MPND: variants seen among roughly 807,000 people sequenced by gnomAD.
MPND encodes the protein MPN domain containing.
A neutral mutation model predicts 59.2 loss-of-function variants in MPND; 56 were observed. The ratio of observed to expected loss-of-function variants is 0.95; its 90% CI spans 0.76 to 1.18. MPND has a LOEUF of 1.18. Ranked by LOEUF, MPND falls within the 50% of genes most tolerant of loss-of-function variation. MPND has a pLI of 0.00. For synonymous variants in MPND, 323 were observed against 291.9 expected, an observed-to-expected ratio of 1.11 and a Z score of -1.09; for missense variants, 671 against 676.0, an observed-to-expected ratio of 0.99 and a Z score of 0.08.
intron 3 of MPND, among the ~76,000 whole-genome samples, chr19:4,351,196 C>T (rs912947101): frequency 4.6e-5 from 7 of 152,134 alleles, no homozygotes; most frequent in African/African-American, 7.2e-5. Flanking sequence ...CTCCGCCTCC[C>T]GGGTTCAAGT....
At chr19:4,353,128 C>T in intron 4 of MPND, 99 bp downstream of exon 4, 1 of 998,478 alleles carries the variant, frequency 1.0e-6, no homozygotes, top group Non-Finnish European at 1.3e-6. Flanking sequence ...TCCTAGGGCC[C>T]CCAAGATGGA....
chr19:4,357,735 G>C, intron 10 of MPND, 150 bp downstream of exon 10: 1 of 773,064 alleles, frequency 1.3e-6, no homozygotes. Context: ...CTGCTGCCCT[G>C]CCCATATTTT....
chr19:4,346,201 A>G (rs1193027646), intron 3 of MPND, among the ~76,000 whole-genome samples: 1 of 152,132 alleles, frequency 6.6e-6, no homozygotes, highest in Admixed American at 6.6e-5. Context: ...TTGTCAGAGC[A>G]AGTTGAAGGG....
Position 4,354,467 on chromosome 19 carries a change from C to A in MPND, c.846+47C>A. The A allele has an allele frequency of 3.4e-6, 5 of 1,468,656 alleles. No homozygotes were observed. The South Asian group carries it at 4.9e-5, about 14-fold the overall frequency. 91.0% of individuals were successfully genotyped at this position (1,468,656 alleles called of 1,614,324 possible). On this transcript the variant is annotated intron_variant, in intron 6 of 12. Transcript: ENST00000599840. The stretch of plus-strand genomic sequence containing the variant: ...GGGGCAAGGGGCTCCGGAGCCCAGT[C>A]GGTGGGCAGCGGGCGGGGCTCCCCT...
In MPND at chr19:4,356,416, G is replaced by A. The variant is rs1264006101; in HGVS notation, c.997-837G>A. On this transcript the variant is annotated intron_variant, in intron 8 of 12. Transcript: ENST00000599840. ...AAAAATTAGCCAGACATGGTGGTAC[G>A]CACCTGTAGTCCCATCTATTTGAGA... 2.0e-5 allele frequency among the ~76,000 whole-genome samples: 3 copies of A among 152,198 alleles called. No homozygotes were observed. In the East Asian group the frequency reaches 5.8e-4, roughly 29 times the overall value.
intron 11 of MPND, 48 bp downstream of exon 11, chr19:4,358,220 G>A: frequency 6.7e-7 from 1 of 1,482,752 alleles, no homozygotes; most frequent in Non-Finnish European, 9.2e-7. Flanking sequence ...GTGCGCAGCT[G>A]GGCACACGAT....
intron 6 of MPND, 31 bp from the exon 7 acceptor site, chr19:4,354,918 G>C (rs1323382872): frequency 6.4e-7 from 1 of 1,561,664 alleles, no homozygotes; most frequent in Non-Finnish European, 8.7e-7. Flanking sequence ...CACAGCCTGA[G>C]CCAGTCTTTT....
chr19:4,354,071 G>A lies in MPND; in HGVS notation c.691G>A (p.Asp231Asn). 1.2e-6 allele frequency: 2 copies of A among 1,613,390 alleles called. No homozygotes were observed. Among genetic ancestry groups the A allele is most frequent in the Non-Finnish European group, 1.7e-6 (2 of 1,179,396 alleles). ...PEATTPGKRV[D>N]SKIRVPVRYC... is the part of the protein sequence containing the mutation. ...GGCCACAACCCCAGGGAAGCGGGTG[G>A]ACAGCAAGATCCGGGTTCCGGTCCG... The change falls in exon 5 of 13, where the codon GAC becomes AAC. Residue 231 changes from aspartate to asparagine, a missense_variant. Physicochemically the swap from Asp to Asn is conservative, Grantham distance 23 (BLOSUM62 1). Coordinates refer to ENST00000599840, the MANE Select transcript of MPND (RefSeq NM_001300862.2).
At chr19:4,353,972 C>T in intron 4 of MPND, 73 bp from the exon 5 acceptor site, 1 of 1,333,670 alleles carries the variant, frequency 7.5e-7, no homozygotes, top group Non-Finnish European at 1.1e-6. Context: ...GCATGCACCA[C>T]CACACCCAGT....
Position 4,353,307 on chromosome 19 carries a change from G to A in MPND, c.664+278G>A, listed in dbSNP as rs1054614930. On this transcript the variant is annotated intron_variant, in intron 4 of 12. Coordinates refer to ENST00000599840, the MANE Select transcript of MPND (RefSeq NM_001300862.2). ...TTTGGTGATGGAGTCTCCCTCTGTC[G>A]CCCAGGCTGGAATGCAGTGGCTCAA... Among the ~76,000 whole-genome samples the A allele has an allele frequency of 4.6e-5, 7 of 151,860 alleles. No individual in the cohort carries two copies. In the South Asian group the frequency reaches 8.3e-4, roughly 18 times the overall value.
intron 11 of MPND, among the ~76,000 whole-genome samples, chr19:4,358,697 C>T (rs879703601): frequency 6.6e-6 from 1 of 152,098 alleles, no homozygotes; most frequent in Admixed American, 6.5e-5. Context: ...TGAGGCAGGA[C>T]AAGCTCTTGA....
chr19:4,354,761 G>A (rs939558297), intron 6 of MPND, among the ~76,000 whole-genome samples, 188 bp from the exon 7 acceptor site: 3 of 152,208 alleles, frequency 2.0e-5, no homozygotes, highest in Non-Finnish European at 4.4e-5. Flanking sequence ...CTACCTGAGA[G>A]GCTGAGACAG....
intron 4 of MPND, among the ~76,000 whole-genome samples, chr19:4,353,250 GATTTT>G (rs1368880590): frequency 3.3e-5 from 5 of 151,978 alleles, no homozygotes; most frequent in Admixed American, 6.6e-5. Flanking sequence ...TCAAATGCTG[GATTTT>G]ATTTTATTTT....
At chr19:4,352,275 G>A (rs888415835) in intron 3 of MPND, among the ~76,000 whole-genome samples, 4 of 152,230 alleles carry the variant, frequency 2.6e-5, no homozygotes, top group Non-Finnish European at 5.9e-5. Context: ...AGACCTTGGC[G>A]ATGACTTTGA....
At chr19:4,357,657 G>A in intron 10 of MPND, 72 bp downstream of exon 10, 3 of 1,452,878 alleles carry the variant, frequency 2.1e-6, no homozygotes, top group Non-Finnish European at 2.8e-6. Flanking sequence ...CTAGGCAGGG[G>A]CCCCTGGTTC....
At chr19:4,358,863 C>T (rs182288804) in intron 11 of MPND, among the ~76,000 whole-genome samples, 2 of 152,244 alleles carry the variant, frequency 1.3e-5, no homozygotes, top group East Asian at 1.9e-4. Flanking sequence ...GGGATGAGGC[C>T]GAACCAGGGG....
At chr19:4,353,173 C>A (rs1972360314) in intron 4 of MPND, 144 bp downstream of exon 4, 1 of 580,042 alleles carries the variant, frequency 1.7e-6, no homozygotes, top group Non-Finnish European at 2.6e-6. Context: ...AAGTCTGGAG[C>A]CGGACGAGGC....
chr19:4,357,497 C>G lies in MPND; in HGVS notation c.1166-18C>G, dbSNP rs1327595915. On this transcript the variant is annotated intron_variant, in intron 9 of 12. Transcript: ENST00000599840. Reference sequence around the variant, plus strand: ...GCCGAGCCTCCCAGGGCCAACCCCTCTCCCTCTCTCCCGCCAGCCCCTTAC... The same window carrying G: ...GCCGAGCCTCCCAGGGCCAACCCCTGTCCCTCTCTCCCGCCAGCCCCTTAC... The G allele has an allele frequency of 6.2e-7, 1 of 1,612,062 alleles. No individual in the cohort carries two copies. The highest frequency in any genetic ancestry group is 1.3e-5 in the African/African-American group (1 of 74,940).
At position 4,358,509 on chromosome 19, in the gene MPND, CA is replaced by C. The variant is rs1599579962; in HGVS notation, c.1326+338del. ...ATGCATTTAAAACACTAAACTAAGG[CA>C]GACATAGTGGCTCACGCCTGTAATC... On this transcript the variant is annotated intron_variant, in intron 11 of 12. Coordinates refer to ENST00000599840, the MANE Select transcript of MPND (RefSeq NM_001300862.2). 1.5e-5 allele frequency: 4 copies of C among 260,652 alleles called. No homozygotes were observed. In the East Asian group the frequency reaches 3.5e-4, roughly 23 times the overall value. 16.1% of individuals were successfully genotyped at this position (260,652 alleles called of 1,614,324 possible). A position where few individuals can be genotyped will look rare whatever the true frequency, so the allele number is the denominator to read the frequency against.
Sources: allele counts gnomAD v4.1 joint callset (sites outside exome capture counted in the v4.1 genomes callset), GRCh38; gene constraint gnomAD v4.1.1; transcripts MANE v1.5; gene names NCBI Gene and HGNC (gene_info 2026-07-23, HGNC 2026-07-21).